GRIK1: variants seen among roughly 807,000 people sequenced by gnomAD.
GRIK1 encodes glutamate ionotropic receptor kainate type subunit 1.
In GRIK1, 69 loss-of-function variants were observed where a neutral mutation model predicts 105.7. The ratio of observed to expected loss-of-function variants is 0.65; its 90% confidence interval spans 0.54 to 0.80. The LOEUF is 0.80. Ranked by LOEUF, GRIK1 falls within the 30% of genes least tolerant of loss-of-function variation. GRIK1 has a pLI of 0.00. For synonymous variants in GRIK1, 438 were observed against 431.3 expected (o/e 1.02, Z -0.19); for missense variants, 1,109 against 1,167.3 (o/e 0.95, Z 0.73).
At chr21:29,842,124 A>G (rs2068000017) in intron 1 of GRIK1, among the ~76,000 whole-genome samples, 1 of 152,156 alleles carries the variant, frequency 6.6e-6, no homozygotes, top group African/African-American at 2.4e-5. Flanking sequence ...TACAAAGCCA[A>G]TTATAAATAA....
chr21:29,606,204 A>C (rs2061611931), intron 7 of GRIK1, among the ~76,000 whole-genome samples: 1 of 152,170 alleles, frequency 6.6e-6, no homozygotes, highest in South Asian at 2.1e-4. Flanking sequence ...AGAGATGTAA[A>C]TGATTTCCAT....
chr21:29,662,355 A>C (rs2062981707), intron 4 of GRIK1, among the ~76,000 whole-genome samples: 1 of 152,190 alleles, frequency 6.6e-6, no homozygotes, highest in Non-Finnish European at 1.5e-5. Context: ...AGAGAATGGA[A>C]CTTTTGGGGC....
chr21:29,717,807 G>T (rs2064215279), intron 1 of GRIK1, among the ~76,000 whole-genome samples: 1 of 152,198 alleles, frequency 6.6e-6, no homozygotes, highest in Non-Finnish European at 1.5e-5. Flanking sequence ...GTTTTGAAAT[G>T]TGAGAACATG....
intron 1 of GRIK1, among the ~76,000 whole-genome samples, chr21:29,750,388 C>T (rs1392219594): frequency 6.6e-6 from 1 of 152,092 alleles, no homozygotes; most frequent in African/African-American, 2.4e-5. Context: ...AGGGTAGAAA[C>T]ATCACCCTGA....
At chr21:29,665,553 A>G (rs2063043169) in intron 4 of GRIK1, among the ~76,000 whole-genome samples, 2 of 152,254 alleles carry the variant, frequency 1.3e-5, no homozygotes, top group Admixed American at 1.3e-4. Context: ...AAACTTTAAG[A>G]AAGAATGAAC....
chr21:29,652,686 A>T (rs1202145426), intron 5 of GRIK1, among the ~76,000 whole-genome samples: 1 of 152,242 alleles, frequency 6.6e-6, no homozygotes, highest in Non-Finnish European at 1.5e-5. Context: ...TACATCATTA[A>T]AATATATCAC....
intron 1 of GRIK1, among the ~76,000 whole-genome samples, chr21:29,696,396 A>AT (rs2063702443): frequency 2.0e-5 from 3 of 152,210 alleles, no homozygotes; most frequent in Admixed American, 2.0e-4. Context: ...GTAAGGAAAA[A>AT]TGTTGCTGTT....
intron 3 of GRIK1, among the ~76,000 whole-genome samples, chr21:29,684,764 C>T (rs1241522342): frequency 6.6e-6 from 1 of 152,114 alleles, no homozygotes; most frequent in Non-Finnish European, 1.5e-5. Flanking sequence ...CCTGCCTTGG[C>T]CTTCCAAAGT....
At chr21:29,896,090 T>C (rs906136212) in intron 1 of GRIK1, among the ~76,000 whole-genome samples, 4 of 152,196 alleles carry the variant, frequency 2.6e-5, no homozygotes. Context: ...TTCTATCCTA[T>C]AGCTACAATA....
chr21:29,748,329 C>T (rs566860327), intron 1 of GRIK1: 1 of 152,344 alleles, frequency 6.6e-6, no homozygotes, highest in East Asian at 1.9e-4. Flanking sequence ...AGTGGACACT[C>T]ACGGGTCCTG....
At chr21:29,818,054 T>A (rs2067200097) in intron 1 of GRIK1, among the ~76,000 whole-genome samples, 1 of 152,066 alleles carries the variant, frequency 6.6e-6, no homozygotes, top group Non-Finnish European at 1.5e-5. Flanking sequence ...TCAGGACCAT[T>A]TAACTCCAAA....
At chr21:29,778,695 T>C (rs1214119481) in intron 1 of GRIK1, among the ~76,000 whole-genome samples, 1 of 152,158 alleles carries the variant, frequency 6.6e-6, no homozygotes, top group East Asian at 1.9e-4. Flanking sequence ...CCCACACCAA[T>C]AAAAATGTGA....
intron 1 of GRIK1, among the ~76,000 whole-genome samples, chr21:29,703,150 T>C (rs547882110): frequency 6.6e-6 from 1 of 152,366 alleles, no homozygotes; most frequent in African/African-American, 2.4e-5. Flanking sequence ...ATGTTTATGA[T>C]ATTTTCCTAT....
intron 1 of GRIK1, among the ~76,000 whole-genome samples, chr21:29,846,386 CA>C (rs1201201107): frequency 5.6e-3 from 189 of 34,002 alleles, no homozygotes; most frequent in Middle Eastern, 0.02. Context: ...GAAACTCAGT[CA>C]AAAAAAAAAA....
chr21:29,725,219 C>T (rs1437097426), intron 1 of GRIK1, among the ~76,000 whole-genome samples: 1 of 152,138 alleles, frequency 6.6e-6, no homozygotes, highest in Non-Finnish European at 1.5e-5. Context: ...AATATAAATG[C>T]CGTGAGAAAT....
At chr21:29,667,504 A>G (rs1455382568) in intron 4 of GRIK1, among the ~76,000 whole-genome samples, 5 of 152,210 alleles carry the variant, frequency 3.3e-5, no homozygotes, top group African/African-American at 9.6e-5. Flanking sequence ...TGTTGACAGG[A>G]GAAAATGCAA....
At chr21:29,837,450 A>T (rs945091438) in intron 1 of GRIK1, among the ~76,000 whole-genome samples, 5 of 152,188 alleles carry the variant, frequency 3.3e-5, no homozygotes, top group African/African-American at 9.7e-5. Context: ...AATATAATAA[A>T]TATGTGATTA....
chr21:29,928,320 C>G (rs1264172424), intron 1 of GRIK1, among the ~76,000 whole-genome samples: 2 of 152,166 alleles, frequency 1.3e-5, no homozygotes, highest in Non-Finnish European at 2.9e-5. Context: ...GTATTTACAG[C>G]TTGAACCTGA....
chr21:29,692,447 T>C (rs1461638887), intron 2 of GRIK1, among the ~76,000 whole-genome samples: 1 of 152,246 alleles, frequency 6.6e-6, no homozygotes. Flanking sequence ...TGTATAAGTA[T>C]ATAGTTTTAT....
Sources: allele counts gnomAD v4.1 joint callset (sites outside exome capture counted in the v4.1 genomes callset), GRCh38; gene constraint gnomAD v4.1.1; transcripts MANE v1.5; gene names NCBI Gene and HGNC (gene_info 2026-07-23, HGNC 2026-07-21).